OGDH: variants seen among roughly 807,000 people sequenced by gnomAD.
OGDH encodes 2-oxoglutarate dehydrogenase complex component E1.
Under a neutral mutation model 116.6 loss-of-function variants are expected in OGDH, and 38 were observed. The observed-to-expected ratio is 0.33, with a 90% CI of 0.25 to 0.43. The LOEUF (loss-of-function observed/expected upper bound fraction) is 0.43, where lower values mean the gene tolerates loss of function less well. Among genes scored for constraint, OGDH ranks in the 20% least tolerant of loss-of-function variants. The probability of loss-of-function intolerance (pLI) is 1.00; values close to 1 mark genes in which losing one functional copy is unlikely to be tolerated. For synonymous variants in OGDH, 488 were observed against 533.3 expected, an observed-to-expected ratio of 0.92 and a Z score of 1.17; for missense variants, 825 against 1,357.2, an observed-to-expected ratio of 0.61 and a Z score of 6.16.
chr7:44,634,880 T>C (rs549005165), intron 2 of OGDH, among the ~76,000 whole-genome samples: 1 of 152,340 alleles, frequency 6.6e-6, no homozygotes, highest in Admixed American at 6.5e-5. Flanking sequence ...CATGAATCAT[T>C]TGCTGAAGGC....
Position 44,700,261 on chromosome 7 carries a change from C to A in OGDH, c.2551C>A (p.Arg851=). Residue 851 remains arginine (R), a synonymous_variant, in exon 19 of 23, where the codon CGG becomes AGG. Coordinates refer to ENST00000222673, the MANE Select transcript of OGDH (RefSeq NM_002541.4). ...ACGACGCCAGATCCTGCTGCCATTCCGGAAGCCGGTCAGTGGCAGGGCCTC... is the reference window on the plus strand; with the variant it reads ...ACGACGCCAGATCCTGCTGCCATTCAGGAAGCCGGTCAGTGGCAGGGCCTC... ...VLRRQILLPF[R]KPLIIFTPKS... 1 of 1,614,122 alleles carries A rather than the reference C, an allele frequency of 6.2e-7. No homozygotes were observed. The highest frequency in any genetic ancestry group is 8.5e-7 in the Non-Finnish European group (1 of 1,179,990).
intron 5 of OGDH, among the ~76,000 whole-genome samples, chr7:44,669,693 G>A (rs906680700): frequency 1.3e-5 from 2 of 151,946 alleles, no homozygotes; most frequent in Non-Finnish European, 2.9e-5. Flanking sequence ...CTCCCTTTCA[G>A]TCCAGTTGAT....
At chr7:44,693,612 T>C (rs572816384) in intron 10 of OGDH, among the ~76,000 whole-genome samples, 2 of 152,374 alleles carry the variant, frequency 1.3e-5, no homozygotes, top group East Asian at 3.9e-4. Flanking sequence ...TTTCATACTA[T>C]GTCTTTTAAA....
Position 44,694,672 on chromosome 7 carries a change from T to C in OGDH, c.1668+96T>C. On this transcript the variant is annotated intron_variant, in intron 12 of 22. Transcript: ENST00000222673. This position sits in a 1 kb window ranked among gnomAD's most constrained non-coding sequence, Gnocchi z 4.2. ...GGCCAGTTCTCACTTTTGCCAGTTATGAGGATACACGTGAGAGGATGTGAA... is the reference window on the plus strand; with the variant it reads ...GGCCAGTTCTCACTTTTGCCAGTTACGAGGATACACGTGAGAGGATGTGAA... 3 of 1,403,548 alleles carry C rather than the reference T, an allele frequency of 2.1e-6. No individual in the cohort carries two copies. The highest frequency in any genetic ancestry group is 1.8e-5 in the Admixed American group (1 of 54,924). The allele number at this position is 1,403,548 out of a possible 1,614,324, so 86.9% of individuals were successfully genotyped here.
intron 4 of OGDH, among the ~76,000 whole-genome samples, chr7:44,652,691 G>A (rs574537979): frequency 1.3e-5 from 2 of 152,154 alleles, no homozygotes; most frequent in East Asian, 1.9e-4. Flanking sequence ...GTGAGCCACC[G>A]CGCCCAGCTG....
At chr7:44,622,548 ACT>A (rs1295744848) in intron 1 of OGDH, among the ~76,000 whole-genome samples, 1 of 151,504 alleles carries the variant, frequency 6.6e-6, no homozygotes, top group Non-Finnish European at 1.5e-5. Flanking sequence ...AATGCAGGAC[ACT>A]CTAAGCCCTC....
At chr7:44,637,226 CTT>C (rs1785710496) in intron 2 of OGDH, among the ~76,000 whole-genome samples, 1 of 152,174 alleles carries the variant, frequency 6.6e-6, no homozygotes, top group Non-Finnish European at 1.5e-5. Flanking sequence ...GGCCAAATGT[CTT>C]CTCTCTCCTC....
At chr7:44,614,285 A>C (rs1310858196) in intron 1 of OGDH, among the ~76,000 whole-genome samples, 1 of 141,532 alleles carries the variant, frequency 7.1e-6, no homozygotes, top group Non-Finnish European at 1.5e-5. Flanking sequence ...GGCTGCCTTC[A>C]AGGTTTTGGT....
In OGDH at chr7:44,707,851, C is replaced by G; in HGVS notation, c.2952-28C>G. ...CTGGGCCAACTCAGTGTCCCCTGCC[C>G]TCACTGCCCCCTCCCTCCATCTCTC... On this transcript the variant is annotated intron_variant, in intron 22 of 22. Transcript: ENST00000222673. The surrounding 1 kb of genome is among the most constrained non-coding windows in gnomAD (Gnocchi z 5.2). 2 of 1,610,176 alleles carry G rather than the reference C, an allele frequency of 1.2e-6. No individual in the cohort carries two copies. Among genetic ancestry groups the G allele is most frequent in the African/African-American group, 1.3e-5 (1 of 75,038 alleles).
intron 14 of OGDH, 39 bp downstream of exon 14, chr7:44,696,596 C>A: frequency 6.2e-7 from 1 of 1,613,024 alleles, no homozygotes; most frequent in Non-Finnish European, 8.5e-7. Flanking sequence ...ATGTTGGGGC[C>A]CAGGCCAGGG....
At chr7:44,609,891 G>T (rs984172061) in intron 1 of OGDH, among the ~76,000 whole-genome samples, 5 of 152,160 alleles carry the variant, frequency 3.3e-5, no homozygotes, top group African/African-American at 7.2e-5. Context: ...CAATAAATGT[G>T]TAGTAATGTC....
intron 2 of OGDH, among the ~76,000 whole-genome samples, chr7:44,627,845 T>A (rs1785269103): frequency 6.6e-6 from 1 of 151,996 alleles, no homozygotes; most frequent in African/African-American, 2.4e-5. Flanking sequence ...CCTGGCTAAT[T>A]TTTGTATTTT....
chr7:44,703,182 G>A (rs71548243), intron 20 of OGDH, among the ~76,000 whole-genome samples: 5 of 152,098 alleles, frequency 3.3e-5, no homozygotes, highest in East Asian at 1.9e-4. Context: ...TTGGGAGTTC[G>A]AGGCAGGTGG....
chr7:44,607,211 A>G lies in OGDH; in HGVS notation c.-28+558A>G, dbSNP rs113509809. ...GGACTGCCTGTTTGGATTACCGCGCAGACCTTGGCGCCGCCCCCACACCTG... is the reference window on the plus strand; with the variant it reads ...GGACTGCCTGTTTGGATTACCGCGCGGACCTTGGCGCCGCCCCCACACCTG... On this transcript the variant is annotated intron_variant, in intron 1 of 22. Coordinates refer to ENST00000222673, the MANE Select transcript of OGDH (RefSeq NM_002541.4). 7.1e-3 allele frequency among the ~76,000 whole-genome samples: 1,085 copies of G among 152,334 alleles called. 11 individuals are homozygous for G. Among genetic ancestry groups the G allele is most frequent in the African/African-American group, 0.024 (1,009 of 41,584 alleles).
chr7:44,699,672 A>G (rs986258151), intron 18 of OGDH, among the ~76,000 whole-genome samples: 3 of 152,148 alleles, frequency 2.0e-5, no homozygotes, highest in African/African-American at 7.2e-5. Context: ...TCAGTGTGTT[A>G]GGCCATTCTT....
intron 1 of OGDH, among the ~76,000 whole-genome samples, chr7:44,611,376 C>T (rs145123466): frequency 0.021 from 3,136 of 152,282 alleles, 101 homozygotes; most frequent in African/African-American, 0.071. Context: ...TCATGCCATT[C>T]TCCCACCTCA....
At chr7:44,699,704 TGA>T (rs1788746074) in intron 18 of OGDH, among the ~76,000 whole-genome samples, 1 of 152,120 alleles carries the variant, frequency 6.6e-6, no homozygotes, top group African/African-American at 2.4e-5. Context: ...AAGAAAAACC[TGA>T]GACTGGGTAA....
chr7:44,607,165 G>T (rs890599851), intron 1 of OGDH, among the ~76,000 whole-genome samples: 5 of 152,348 alleles, frequency 3.3e-5, no homozygotes, highest in Non-Finnish European at 5.9e-5. Flanking sequence ...GGAGCATCTG[G>T]CTTTGGGGTG....
At chr7:44,691,097 G>A (rs758698149) in intron 10 of OGDH, among the ~76,000 whole-genome samples, 3 of 152,120 alleles carry the variant, frequency 2.0e-5, no homozygotes, top group Non-Finnish European at 4.4e-5. Flanking sequence ...GAGGTAGTGT[G>A]GCATCAGGAA....
Sources: gnomAD v4.1 joint callset for allele counts (sites outside exome capture counted in the v4.1 genomes callset) on GRCh38, gnomAD v4.1.1 for gene constraint, Gnocchi (gnomAD v3.1) non-coding constraint, MANE v1.5 for transcripts, NCBI Gene and HGNC (gene_info 2026-07-23, HGNC 2026-07-21) for gene names.